NCOR1: variants seen among roughly 807,000 people sequenced by gnomAD.
The protein encoded by NCOR1 is nuclear receptor corepressor 1.
In NCOR1, 63 loss-of-function variants were observed where a neutral mutation model predicts 288.1. That is an observed-to-expected ratio of 0.22 (90% CI 0.18 to 0.27). The LOEUF is 0.27. NCOR1 is among the 10% of genes least tolerant of loss of function. The pLI is 1.00. For missense variants in NCOR1, 2,397 were observed against 3,019.2 expected, an observed-to-expected ratio of 0.79 and a Z score of 4.83; for synonymous variants, 1,007 against 1,065.9, an observed-to-expected ratio of 0.94 and a Z score of 1.08.
rs1234223184 is a variant in NCOR1 at position 16,029,362 on chromosome 17, AGTGAATTG to A, written c.*2926_*2933del. 2 of 378,268 alleles carry A rather than the reference AGTGAATTG, an allele frequency of 5.3e-6. No individual in the cohort carries two copies. The highest frequency in any genetic ancestry group is 1.0e-5 in the Non-Finnish European group (2 of 191,684). The allele number at this position is 378,268 out of a possible 1,614,324, so 23.4% of individuals were successfully genotyped here. ...CTTTACTGATTGGTCTAAATTCAAAAGTGAATTGGTTAAAATCGTGTCATTAAAATTTT... is the reference window on the plus strand; with the variant it reads ...CTTTACTGATTGGTCTAAATTCAAAAGTTAAAATCGTGTCATTAAAATTTT... On this transcript the variant is annotated 3_prime_UTR_variant, in exon 46 of 46. Transcript: ENST00000268712.
chr17:16,209,631 T>C (rs1275849385), intron 1 of NCOR1, among the ~76,000 whole-genome samples: 2 of 117,894 alleles, frequency 1.7e-5, no homozygotes, highest in East Asian at 4.0e-4. Context: ...AATAAGCTTT[T>C]GGATGTAAAA....
chr17:16,104,286 TA>T (rs2068175772), intron 19 of NCOR1, among the ~76,000 whole-genome samples: 1 of 152,156 alleles, frequency 6.6e-6, no homozygotes, highest in East Asian at 1.9e-4. Context: ...GAAAAAAAAA[TA>T]TTTTTTAATT....
At chr17:16,148,677 A>AC (rs1327166525) in intron 9 of NCOR1, among the ~76,000 whole-genome samples, 5 of 149,550 alleles carry the variant, frequency 3.3e-5, no homozygotes, top group Admixed American at 6.6e-5. Flanking sequence ...AAAAAAAAAA[A>AC]AAAAAAAAAA....
Position 16,039,595 on chromosome 17 carries a change from C to G in NCOR1, c.6793G>C (p.Asp2265His). 1 of 1,614,156 alleles carries G rather than the reference C, an allele frequency of 6.2e-7. No individual in the cohort carries two copies. The highest frequency in any genetic ancestry group is 2.2e-5 in the East Asian group (1 of 44,878). Residue 2265 changes from aspartate to histidine, a missense_variant, in exon 44 of 46, where the codon GAC becomes CAC. Asp to His is a moderately conservative substitution (Grantham distance 81). Transcript: ENST00000268712. The stretch of plus-strand genomic sequence containing the variant: ...CCCATGAGAGCCTTCCTGATAATGT[C>G]TTCCAGCCCAAGATTACTGGCAGGA... Reference protein sequence around the residue: ...ADPASNLGLEDIIRKALMGSF... With the variant: ...ADPASNLGLEHIIRKALMGSF...
chr17:16,139,268 C>T, intron 11 of NCOR1, 82 bp from the exon 12 acceptor site: 1 of 1,146,574 alleles, frequency 8.7e-7, no homozygotes, highest in Non-Finnish European at 1.2e-6. Context: ...TCTTAATGTG[C>T]ACTAAAAAAC....
intron 21 of NCOR1, among the ~76,000 whole-genome samples, chr17:16,094,330 G>A (rs1014979057): frequency 6.6e-5 from 10 of 152,106 alleles, no homozygotes; most frequent in African/African-American, 2.4e-4. Context: ...CCATTTGAAT[G>A]AGTCAGTGAA....
At chr17:16,109,660 T>C (rs917485806) in intron 18 of NCOR1, among the ~76,000 whole-genome samples, 16 of 152,232 alleles carry the variant, frequency 1.1e-4, no homozygotes, top group African/African-American at 3.9e-4. Flanking sequence ...CTTCCTTCAC[T>C]AGCATTAAGA....
chr17:16,166,622 G>A (rs2082058528), intron 4 of NCOR1, among the ~76,000 whole-genome samples: 1 of 152,068 alleles, frequency 6.6e-6, no homozygotes, highest in Non-Finnish European at 1.5e-5. Flanking sequence ...AGAGGTTGCA[G>A]TGAGCTGAGA....
chr17:16,158,732 T>A, intron 6 of NCOR1, 28 bp downstream of exon 6: 1 of 1,472,862 alleles, frequency 6.8e-7, no homozygotes, highest in Middle Eastern at 1.7e-4. Context: ...GTTAAAGGCC[T>A]GTGCTGCCAG....
At chr17:16,136,409 C>G (rs1470792061) in intron 14 of NCOR1, among the ~76,000 whole-genome samples, 3 of 152,144 alleles carry the variant, frequency 2.0e-5, no homozygotes, top group African/African-American at 7.2e-5. Flanking sequence ...CTAGGCTGGT[C>G]TTGAACTCCT....
chr17:16,120,769 T>C (rs566896171), intron 16 of NCOR1, among the ~76,000 whole-genome samples: 70 of 152,206 alleles, frequency 4.6e-4, no homozygotes, highest in African/African-American at 1.6e-3. Context: ...TGCCTCAATA[T>C]TACACAGCCA....
At chr17:16,169,949 T>C (rs559292071) in intron 4 of NCOR1, among the ~76,000 whole-genome samples, 33 of 152,198 alleles carry the variant, frequency 2.2e-4, no homozygotes, top group Non-Finnish European at 3.7e-4. Flanking sequence ...CCTAGAAGCT[T>C]AGCTAATTTC....
intron 8 of NCOR1, 59 bp downstream of exon 8, chr17:16,151,887 A>T (rs2078917905): frequency 3.2e-6 from 4 of 1,245,620 alleles, no homozygotes; most frequent in African/African-American, 1.5e-5. Flanking sequence ...AACAAAAATG[A>T]TCTCTTTATA....
intron 18 of NCOR1, 86 bp downstream of exon 18, chr17:16,117,802 A>G: frequency 1.4e-6 from 2 of 1,401,664 alleles, no homozygotes; most frequent in African/African-American, 2.9e-5. Flanking sequence ...AGCCTGGGTG[A>G]TAGAGTGAGA....
rs893200668 is a variant in NCOR1, at chr17:16,078,566, A to C, written c.3501+1398T>G. ...TGTTAAAACAGAAACACACTGACCCAATATAAATGGAGACTTTTTTTTTTT... is the reference window on the plus strand; with the variant it reads ...TGTTAAAACAGAAACACACTGACCCCATATAAATGGAGACTTTTTTTTTTT... On this transcript the variant is annotated intron_variant, in intron 26 of 45. Coordinates refer to ENST00000268712, the MANE Select transcript of NCOR1 (RefSeq NM_006311.4). 1.4e-5 allele frequency among the ~76,000 whole-genome samples: 2 copies of C among 142,414 alleles called. 1 individual carries two copies. Among genetic ancestry groups the C allele is most frequent in the Non-Finnish European group, 3.1e-5 (2 of 65,078 alleles). The allele number at this position is 142,414 out of a possible 152,430, so 93.4% of individuals were successfully genotyped here. A position where few individuals can be genotyped will look rare whatever the true frequency, so the allele number is the denominator to read the frequency against.
At position 16,063,680 on chromosome 17, in the gene NCOR1, T is replaced by C. The variant is rs137982058; in HGVS notation, c.5221+388A>G. ...TCCTGGACACAACATTTCACTGTAATTCAAGATGCTACACAAGCTGCTAAC... is the reference window on the plus strand; with the variant it reads ...TCCTGGACACAACATTTCACTGTAACTCAAGATGCTACACAAGCTGCTAAC... On this transcript the variant is annotated intron_variant, in intron 35 of 45. Transcript: ENST00000268712. Among the ~76,000 whole-genome samples the C allele has an allele frequency of 7.7e-3, 1,167 of 152,272 alleles. 8 individuals carry two copies. Among genetic ancestry groups the C allele is most frequent in the South Asian group, 0.029 (138 of 4,820 alleles).
chr17:16,127,418 TA>T (rs1568200696), intron 14 of NCOR1, among the ~76,000 whole-genome samples: 1 of 84,340 alleles, frequency 1.2e-5, no homozygotes, highest in Non-Finnish European at 2.3e-5. Flanking sequence ...TATGTATATA[TA>T]CATGTGTATA....
chr17:16,162,839 T>C (rs2081141014), intron 5 of NCOR1, among the ~76,000 whole-genome samples: 1 of 152,096 alleles, frequency 6.6e-6, no homozygotes, highest in Admixed American at 6.5e-5. Flanking sequence ...GGTGAGCACA[T>C]AAGAAGACAA....
rs2064262706 is a variant in NCOR1 at position 16,086,566 on chromosome 17, T to G, written c.3017-124A>C. ...AAAAAATGTAAGATGAAACCAACAA[T>G]GAACATTTCTATTTTAAATTTCTCA... On this transcript the variant is annotated intron_variant, in intron 22 of 45. Coordinates refer to ENST00000268712, the MANE Select transcript of NCOR1 (RefSeq NM_006311.4). The G allele has an allele frequency of 1.8e-5, 15 of 831,112 alleles. No homozygotes were observed. The South Asian group carries it at 2.8e-4, about 15-fold the overall frequency. 51.5% of individuals were successfully genotyped at this position (831,112 alleles called of 1,614,324 possible).
Sources: allele counts gnomAD v4.1 joint callset (sites outside exome capture counted in the v4.1 genomes callset), GRCh38; gene constraint gnomAD v4.1.1; transcripts MANE v1.5; gene names NCBI Gene and HGNC (gene_info 2026-07-23, HGNC 2026-07-21).